The following AGBL4 variants were observed in gnomAD, a reference collection of about 807,000 sequenced individuals.
AGBL4 encodes cytosolic carboxypeptidase 6.
A neutral mutation model predicts 66.4 loss-of-function variants in AGBL4; 58 were observed. The ratio of observed to expected loss-of-function variants is 0.87; its 90% CI spans 0.71 to 1.09. AGBL4 has a LOEUF of 1.09. AGBL4 is among the 50% of genes least tolerant of loss of function. AGBL4 has a pLI of 0.00. For missense variants in AGBL4, 579 were observed against 631.0 expected (o/e 0.92, Z 0.88); for synonymous variants, 234 against 222.9 (o/e 1.05, Z -0.44).
chr1:49,045,170 AC>A (rs1327399140), intron 5 of AGBL4, among the ~76,000 whole-genome samples: 2 of 152,236 alleles, frequency 1.3e-5, no homozygotes, highest in African/African-American at 4.8e-5. Context: ...AGTTTGGTTC[AC>A]TAAGAAATGT....
chr1:48,612,689 A>T (rs1044630936), intron 9 of AGBL4, among the ~76,000 whole-genome samples: 3 of 152,256 alleles, frequency 2.0e-5, no homozygotes, highest in Admixed American at 2.0e-4. Flanking sequence ...AGTGCTTTTA[A>T]AAAACAGAAA....
intron 1 of AGBL4, among the ~76,000 whole-genome samples, chr1:49,870,179 TA>T (rs895752626): frequency 6.6e-6 from 1 of 152,158 alleles, no homozygotes; most frequent in Non-Finnish European, 1.5e-5. Flanking sequence ...CACACAATTT[TA>T]AAGATTATTA....
chr1:49,870,955 G>A (rs1646823454), intron 1 of AGBL4, among the ~76,000 whole-genome samples: 1 of 152,140 alleles, frequency 6.6e-6, no homozygotes, highest in Non-Finnish European at 1.5e-5. Flanking sequence ...TTTGGACACA[G>A]AAGAAGATAA....
intron 4 of AGBL4, among the ~76,000 whole-genome samples, chr1:49,070,529 T>C (rs1644580652): frequency 6.6e-6 from 1 of 151,906 alleles, no homozygotes; most frequent in African/African-American, 2.4e-5. Flanking sequence ...TGTGATGGAT[T>C]ATGTTTATTG....
intron 4 of AGBL4, among the ~76,000 whole-genome samples, chr1:49,141,169 T>C (rs1479328745): frequency 2.0e-5 from 3 of 152,212 alleles, no homozygotes; most frequent in African/African-American, 7.2e-5. Context: ...ACAAAGTAAA[T>C]TGTATTTCTT....
chr1:49,644,562 A>G (rs1645847832), intron 3 of AGBL4, among the ~76,000 whole-genome samples: 1 of 151,628 alleles, frequency 6.6e-6, no homozygotes, highest in Non-Finnish European at 1.5e-5. Context: ...AAAGATAATC[A>G]TTTCATAATG....
At chr1:49,381,591 C>A (rs1468267381) in intron 3 of AGBL4, among the ~76,000 whole-genome samples, 1 of 152,014 alleles carries the variant, frequency 6.6e-6, no homozygotes, top group Admixed American at 6.6e-5. Flanking sequence ...GACTTGGAAC[C>A]AACCCAAATG....
At chr1:50,016,067 G>A (rs1661956804) in intron 1 of AGBL4, among the ~76,000 whole-genome samples, 1 of 152,132 alleles carries the variant, frequency 6.6e-6, no homozygotes, top group African/African-American at 2.4e-5. Context: ...ATAGGCCCTG[G>A]CAAAGATTTG....
chr1:48,672,326 C>G (rs1259502850), intron 6 of AGBL4, among the ~76,000 whole-genome samples: 2 of 152,208 alleles, frequency 1.3e-5, no homozygotes, highest in Non-Finnish European at 2.9e-5. Flanking sequence ...TGAGCATCAG[C>G]TAGCTGCTAG....
chr1:49,555,532 A>G (rs1169387767), intron 3 of AGBL4, among the ~76,000 whole-genome samples: 4 of 146,966 alleles, frequency 2.7e-5, no homozygotes, highest in Admixed American at 2.0e-4. Flanking sequence ...AAATGCACCA[A>G]TCAGCACTCT....
intron 3 of AGBL4, among the ~76,000 whole-genome samples, chr1:49,341,321 G>A (rs1645535711): frequency 2.0e-5 from 3 of 152,172 alleles, no homozygotes; most frequent in Non-Finnish European, 4.4e-5. Context: ...TGCAGTACCA[G>A]TTGGCTGACT....
chr1:49,117,607 A>ACTACTACCATGCTG (rs1557654996), intron 4 of AGBL4, among the ~76,000 whole-genome samples: 6 of 152,216 alleles, frequency 3.9e-5, no homozygotes, highest in African/African-American at 1.4e-4. Flanking sequence ...CTACCATGCT[A>ACTACTACCATGCTG]TTTTGGTTAC....
intron 4 of AGBL4, among the ~76,000 whole-genome samples, chr1:49,228,339 A>G (rs944432868): frequency 1.3e-5 from 2 of 152,222 alleles, no homozygotes; most frequent in Non-Finnish European, 2.9e-5. Flanking sequence ...ACAAATTTTC[A>G]AAGTAAATTA....
intron 6 of AGBL4, among the ~76,000 whole-genome samples, chr1:48,849,969 T>A (rs953310159): frequency 6.6e-6 from 1 of 151,930 alleles, no homozygotes; most frequent in Non-Finnish European, 1.5e-5. Context: ...CAAGACTCCA[T>A]CTCAAAAAAT....
At chr1:49,100,261 G>A (rs528586194) in intron 4 of AGBL4, among the ~76,000 whole-genome samples, 2 of 152,286 alleles carry the variant, frequency 1.3e-5, no homozygotes, top group South Asian at 4.1e-4. Flanking sequence ...GCTGTCCTAA[G>A]TTGGGCCGAG....
At chr1:49,372,384 C>T (rs1644364305) in intron 3 of AGBL4, among the ~76,000 whole-genome samples, 2 of 152,088 alleles carry the variant, frequency 1.3e-5, no homozygotes, top group African/African-American at 2.4e-5. Flanking sequence ...AATACACAAG[C>T]TCCTTAGCAA....
intron 3 of AGBL4, among the ~76,000 whole-genome samples, chr1:49,293,258 C>T (rs1315070845): frequency 6.6e-6 from 1 of 152,206 alleles, no homozygotes; most frequent in Non-Finnish European, 1.5e-5. Context: ...CATGCTCACT[C>T]ACTCACACAC....
At chr1:49,809,627 A>C (rs1645054380) in intron 2 of AGBL4, among the ~76,000 whole-genome samples, 1 of 152,194 alleles carries the variant, frequency 6.6e-6, no homozygotes, top group African/African-American at 2.4e-5. Context: ...CGTATTGCAC[A>C]TTTAAAAATG....
intron 4 of AGBL4, among the ~76,000 whole-genome samples, chr1:49,185,213 T>A (rs531783352): frequency 3.3e-5 from 5 of 152,320 alleles, no homozygotes; most frequent in African/African-American, 1.2e-4. Flanking sequence ...AGACCAGGTC[T>A]CTGTCCCCAT....
Sources: allele counts gnomAD v4.1 joint callset (sites outside exome capture counted in the v4.1 genomes callset), GRCh38; gene constraint gnomAD v4.1.1; transcripts MANE v1.5; gene names NCBI Gene and HGNC (gene_info 2026-07-23, HGNC 2026-07-21).